DUSP29: variants seen among roughly 807,000 people sequenced by gnomAD.
The protein encoded by DUSP29 is atypical dual-specific protein phosphatase.
Under a neutral mutation model 13.5 loss-of-function variants are expected in DUSP29, and 12 were observed. That is an observed-to-expected ratio of 0.89 (90% CI 0.57 to 1.44). The LOEUF is 1.44. Ranked by LOEUF, DUSP29 falls within the 40% of genes most tolerant of loss-of-function variation. DUSP29 has a pLI of 0.00. For missense variants in DUSP29, 308 were observed against 301.1 expected, an observed-to-expected ratio of 1.02 and a Z score of -0.17; for synonymous variants, 134 against 128.7, an observed-to-expected ratio of 1.04 and a Z score of -0.28.
At chr10:75,044,478 C>T (rs1846661964) in intron 2 of DUSP29, among the ~76,000 whole-genome samples, 1 of 152,130 alleles carries the variant, frequency 6.6e-6, no homozygotes, top group Non-Finnish European at 1.5e-5. Flanking sequence ...GCAAGGCCTT[C>T]CATAAGAGGA....
At position 75,058,348 on chromosome 10, in the gene DUSP29, T is replaced by A; in HGVS notation, c.167A>T (p.Asn56Ile). ...WKGSPQYTHV[N>I]EVWPKLYIGD... Reference sequence around the variant, plus strand: ...AATGTAGAGCTTGGGCCAGACCTCGTTGACGTGGGTGTACTGGGGACTGCC... The same window carrying A: ...AATGTAGAGCTTGGGCCAGACCTCGATGACGTGGGTGTACTGGGGACTGCC... The change falls in exon 2 of 4, where the codon AAC becomes ATC. Residue 56 changes from asparagine to isoleucine, a missense_variant. Transcript: ENST00000338487. 1 of 1,614,138 alleles carries A rather than the reference T, an allele frequency of 6.2e-7. No individual in the cohort carries two copies. The highest frequency in any genetic ancestry group is 8.5e-7 in the Non-Finnish European group (1 of 1,180,010).
chr10:75,050,248 G>A (rs968393729), intron 2 of DUSP29, among the ~76,000 whole-genome samples: 5 of 152,242 alleles, frequency 3.3e-5, no homozygotes, highest in Non-Finnish European at 5.9e-5. Flanking sequence ...AGATGTGAAC[G>A]AGATTAAAGT....
At chr10:75,057,899 C>G (rs373793421) in intron 2 of DUSP29, among the ~76,000 whole-genome samples, 2 of 152,120 alleles carry the variant, frequency 1.3e-5, no homozygotes, top group Non-Finnish European at 2.9e-5. Context: ...ACTTTGCTTT[C>G]GGAAGATGCC....
rs192515889 is a variant in DUSP29, at chr10:75,064,250, C to A, written c.-34-5702G>T. 5.3e-5 allele frequency among the ~76,000 whole-genome samples: 8 copies of A among 152,208 alleles called. No individual in the cohort carries two copies. The East Asian group carries it at 1.5e-3, about 29-fold the overall frequency. On this transcript the variant is annotated intron_variant, in intron 1 of 3. Transcript: ENST00000338487. Reference sequence around the variant, plus strand: ...TGTAGCCGGGCACGGTGGCTCACGCCTGTAATCCCAGCACTTTGGGAGGCC... The same window carrying A: ...TGTAGCCGGGCACGGTGGCTCACGCATGTAATCCCAGCACTTTGGGAGGCC...
intron 3 of DUSP29, among the ~76,000 whole-genome samples, chr10:75,039,161 C>T (rs895899490): frequency 2.0e-5 from 3 of 152,122 alleles, no homozygotes; most frequent in Non-Finnish European, 4.4e-5. Context: ...GAGAGATCAG[C>T]GCCCCTCTCA....
At chr10:75,059,583 T>C (rs1464903070) in intron 1 of DUSP29, among the ~76,000 whole-genome samples, 5 of 152,182 alleles carry the variant, frequency 3.3e-5, no homozygotes, top group Admixed American at 2.0e-4. Context: ...ACCCTATCAT[T>C]AGCCCCATTT....
rs549761543 is a variant in DUSP29 at position 75,053,979 on chromosome 10, C to T, written c.200+4336G>A. On this transcript the variant is annotated intron_variant, in intron 2 of 3. Transcript: ENST00000338487. Reference sequence around the variant, plus strand: ...GCCTAGCACAAGGCATGACACCTACCACCTAAGAATTCAATACAACTTAAC... The same window carrying T: ...GCCTAGCACAAGGCATGACACCTACTACCTAAGAATTCAATACAACTTAAC... Among the ~76,000 whole-genome samples the T allele has an allele frequency of 2.6e-4, 40 of 152,272 alleles. 1 individual carries two copies. The South Asian group carries it at 8.1e-3, about 31-fold the overall frequency.
intron 2 of DUSP29, among the ~76,000 whole-genome samples, chr10:75,055,781 A>C (rs1428125057): frequency 6.6e-6 from 1 of 152,178 alleles, no homozygotes; most frequent in African/African-American, 2.4e-5. Flanking sequence ...AAAGAAGAAA[A>C]CCTTAGAGAG....
intron 1 of DUSP29, among the ~76,000 whole-genome samples, chr10:75,068,630 C>A (rs916619712): frequency 6.6e-6 from 1 of 152,142 alleles, no homozygotes; most frequent in Non-Finnish European, 1.5e-5. Flanking sequence ...TGACACCACC[C>A]AAGTTGGGCT....
At chr10:75,051,714 C>T (rs552795728) in intron 2 of DUSP29, among the ~76,000 whole-genome samples, 5 of 152,218 alleles carry the variant, frequency 3.3e-5, no homozygotes, top group African/African-American at 9.6e-5. Context: ...AAAACCTAAC[C>T]GAAATGTAAA....
At chr10:75,063,611 A>T (rs1388679697) in intron 1 of DUSP29, among the ~76,000 whole-genome samples, 1 of 151,930 alleles carries the variant, frequency 6.6e-6, no homozygotes, top group Non-Finnish European at 1.5e-5. Context: ...TTGGAGCTCC[A>T]GTTGCCCAGA....
chr10:75,061,711 T>C (rs1589867062), intron 1 of DUSP29, among the ~76,000 whole-genome samples: 1 of 152,292 alleles, frequency 6.6e-6, no homozygotes, highest in East Asian at 1.9e-4. Context: ...TGGCCCAGAA[T>C]GCAGCTGCAG....
At chr10:75,055,376 T>A (rs1471603674) in intron 2 of DUSP29, among the ~76,000 whole-genome samples, 1 of 152,186 alleles carries the variant, frequency 6.6e-6, no homozygotes, top group African/African-American at 2.4e-5. Context: ...AATTTTAGAC[T>A]TACAGAAACG....
chr10:75,053,919 C>T (rs1846899434), intron 2 of DUSP29, among the ~76,000 whole-genome samples: 1 of 152,150 alleles, frequency 6.6e-6, no homozygotes, highest in Non-Finnish European at 1.5e-5. Flanking sequence ...TAAAATGGTT[C>T]CTCCTTTATA....
At chr10:75,048,491 C>T (rs1846751746) in intron 2 of DUSP29, among the ~76,000 whole-genome samples, 1 of 152,004 alleles carries the variant, frequency 6.6e-6, no homozygotes, top group Admixed American at 6.5e-5. Context: ...CCTCCACCTC[C>T]CAGGTTCAAG....
At chr10:75,054,394 G>T (rs1018661164) in intron 2 of DUSP29, among the ~76,000 whole-genome samples, 3 of 152,088 alleles carry the variant, frequency 2.0e-5, no homozygotes, top group Non-Finnish European at 4.4e-5. Context: ...GTAGTTAAAT[G>T]AATGCTCTTC....
intron 1 of DUSP29, among the ~76,000 whole-genome samples, chr10:75,065,344 T>C (rs893391846): frequency 4.6e-5 from 7 of 152,090 alleles, no homozygotes; most frequent in Non-Finnish European, 7.4e-5. Flanking sequence ...TGAGAGCATG[T>C]GTCAGGAAAG....
At chr10:75,053,574 A>G (rs1281680257) in intron 2 of DUSP29, among the ~76,000 whole-genome samples, 1 of 151,998 alleles carries the variant, frequency 6.6e-6, no homozygotes, top group African/African-American at 2.4e-5. Context: ...CAAGACTCAA[A>G]CCCCGTGCTC....
chr10:75,051,032 C>T (rs1456160357), intron 2 of DUSP29, among the ~76,000 whole-genome samples: 4 of 152,220 alleles, frequency 2.6e-5, no homozygotes, highest in African/African-American at 7.2e-5. Context: ...AATGCTTTAG[C>T]GATTTTGAAA....
Sources: gnomAD v4.1 joint callset for allele counts (sites outside exome capture counted in the v4.1 genomes callset) on GRCh38, gnomAD v4.1.1 for gene constraint, MANE v1.5 for transcripts, NCBI Gene and HGNC (gene_info 2026-07-23, HGNC 2026-07-21) for gene names.